ATF2: variants seen among roughly 807,000 people sequenced by gnomAD.
ATF2 encodes the protein activating transcription factor 2.
In ATF2, 24 loss-of-function variants were observed where a neutral mutation model predicts 60.6. The observed-to-expected ratio is 0.40, with a 90% CI of 0.29 to 0.56. ATF2 has a LOEUF of 0.56. Ranked by LOEUF, ATF2 falls within the 20% of genes least tolerant of loss-of-function variation. The pLI, the probability that ATF2 is intolerant of heterozygous loss-of-function variation, is 0.54. For synonymous variants in ATF2, 206 were observed against 215.4 expected, an observed-to-expected ratio of 0.96 and a Z score of 0.38; for missense variants, 433 against 607.7, an observed-to-expected ratio of 0.71 and a Z score of 3.02.
In ATF2 at chr2:175,136,501, G is replaced by GGTTT. The variant is rs1553512597; in HGVS notation, c.-43-19_-43-16dup. 1 of 1,467,786 alleles carries GGTTT rather than the reference G, an allele frequency of 6.8e-7. No homozygotes were observed. The highest frequency in any genetic ancestry group is 9.4e-7 in the Non-Finnish European group (1 of 1,060,474). 90.9% of individuals were successfully genotyped at this position (1,467,786 alleles called of 1,614,324 possible). A position where few individuals can be genotyped will look rare whatever the true frequency, so the allele number is the denominator to read the frequency against. On this transcript the variant is annotated splice_polypyrimidine_tract_variant and intron_variant, in intron 2 of 13. Transcript: ENST00000264110. ...TGGCAAGAATACTGAAAAACAAAGTGGTTTCACACTGTTAAAAATAGTTCT... is the reference window on the plus strand; with the variant it reads ...TGGCAAGAATACTGAAAAACAAAGTGGTTTGTTTCACACTGTTAAAAATAGTTCT...
intron 2 of ATF2, 145 bp from the exon 3 acceptor site, chr2:175,136,631 CT>C (rs1698158330): frequency 3.4e-6 from 2 of 588,464 alleles, no homozygotes; most frequent in Admixed American, 7.0e-5. Context: ...TAATAGAGTA[CT>C]GCTCTTGAAA....
chr2:175,167,751 G>T (rs1380359203), intron 1 of ATF2: 1 of 472,728 alleles, frequency 2.1e-6, no homozygotes, highest in African/African-American at 2.0e-5. Flanking sequence ...AGAGGGAGCC[G>T]TTATTCCTTT....
rs1693098644 is a variant in ATF2, at chr2:175,073,784, A to C, written c.*825T>G. 6.6e-6 allele frequency: 1 copy of C among 152,178 alleles called. No homozygotes were observed. Among genetic ancestry groups the C allele is most frequent in the Non-Finnish European group, 1.5e-5 (1 of 68,020 alleles). 9.4% of individuals were successfully genotyped at this position (152,178 alleles called of 1,614,324 possible). ...CTGTAAAAACAACAACAAAAAAACC[A>C]AAAACAAGAGCTAATTTCAAAAATT... On this transcript the variant is annotated 3_prime_UTR_variant, in exon 14 of 14. Transcript: ENST00000264110.
intron 13 of ATF2, among the ~76,000 whole-genome samples, chr2:175,076,264 G>A (rs77598301): frequency 0.032 from 4,861 of 152,014 alleles, 103 homozygotes; most frequent in Middle Eastern, 0.058. Context: ...TTAATGAGAT[G>A]GAACCCCATC....
At chr2:175,163,547 G>C (rs538861140) in intron 1 of ATF2, among the ~76,000 whole-genome samples, 4 of 152,152 alleles carry the variant, frequency 2.6e-5, no homozygotes, top group Admixed American at 6.5e-5. Flanking sequence ...GATACAGAAT[G>C]CAAATATGGG....
At position 175,072,775 on chromosome 2, in the gene ATF2, A is replaced by C. The variant is rs1045180144; in HGVS notation, c.*1834T>G. 1 of 152,160 alleles carries C rather than the reference A, an allele frequency of 6.6e-6. No individual in the cohort carries two copies. Among genetic ancestry groups the C allele is most frequent in the African/African-American group, 2.4e-5 (1 of 41,458 alleles). The allele number at this position is 152,160 out of a possible 1,614,324, so 9.4% of individuals were successfully genotyped here. A position where few individuals can be genotyped will look rare whatever the true frequency, so the allele number is the denominator to read the frequency against. On this transcript the variant is annotated 3_prime_UTR_variant, in exon 14 of 14. Coordinates refer to ENST00000264110, the MANE Select transcript of ATF2 (RefSeq NM_001880.4). ...TTACTTTAAAATAATGAAATTAGTT[A>C]AAAATTAAAAATTTAAAAAAAATTA...
At chr2:175,141,014 AAAAAAAAAAAAAAAAAATAT>A (rs1698477553) in intron 2 of ATF2, among the ~76,000 whole-genome samples, 1 of 110,902 alleles carries the variant, frequency 9.0e-6, no homozygotes, top group African/African-American at 3.9e-5. Context: ...AAAAAAAAAA[AAAAAAAAAAAAAAAAAATAT>A]ATATATATAT....
intron 10 of ATF2, among the ~76,000 whole-genome samples, chr2:175,110,681 T>C (rs1696117317): frequency 6.6e-6 from 1 of 152,204 alleles, no homozygotes; most frequent in Admixed American, 6.5e-5. Context: ...GCTGGCTCAC[T>C]GCAACCTCGG....
chr2:175,160,662 T>A (rs1412812388), intron 1 of ATF2, among the ~76,000 whole-genome samples: 2 of 152,200 alleles, frequency 1.3e-5, no homozygotes, highest in Admixed American at 6.5e-5. Context: ...TTTAGAACTG[T>A]GGTATTTTAA....
intron 1 of ATF2, among the ~76,000 whole-genome samples, chr2:175,160,457 G>A (rs563687246): frequency 5.0e-4 from 76 of 152,206 alleles, no homozygotes; most frequent in African/African-American, 7.2e-4. Flanking sequence ...TCTTTCTTCC[G>A]TTTTCAAAGT....
In ATF2 at chr2:175,130,204, T is replaced by C. The variant is rs1188362993; in HGVS notation, c.36A>G (p.Gln12=). The change falls in exon 4 of 14, where the codon CAA becomes CAG. Residue 12 remains glutamine, a synonymous_variant. Transcript: ENST00000264110. ...KFKLHVNSAR[Q]YKDLWNMSDD... ...CACTCATATTCCACAGGTCCTTGTA[T>C]TGCCTATAATCAAACAGAAGACACT... The C allele has an allele frequency of 1.9e-6, 3 of 1,574,174 alleles. No individual in the cohort carries two copies. Among genetic ancestry groups the C allele is most frequent in the South Asian group, 2.5e-5 (2 of 81,472 alleles).
chr2:175,167,398 G>C (rs965303711), intron 1 of ATF2, among the ~76,000 whole-genome samples: 1 of 152,018 alleles, frequency 6.6e-6, no homozygotes, highest in Non-Finnish European at 1.5e-5. Context: ...GGAAAAAGCT[G>C]GGGGTAGCGG....
intron 10 of ATF2, among the ~76,000 whole-genome samples, chr2:175,110,841 G>A (rs768471742): frequency 6.6e-6 from 1 of 152,182 alleles, no homozygotes; most frequent in South Asian, 2.1e-4. Flanking sequence ...CCTGACCTTA[G>A]GTGATCTGCT....
chr2:175,159,802 G>C (rs1018906541), intron 1 of ATF2, among the ~76,000 whole-genome samples: 11 of 152,106 alleles, frequency 7.2e-5, no homozygotes, highest in Non-Finnish European at 1.5e-4. Context: ...AAAATTTACA[G>C]AGTAATAATT....
chr2:175,167,545 C>T (rs1416143478), intron 1 of ATF2: 1 of 445,018 alleles, frequency 2.2e-6, no homozygotes, highest in Non-Finnish European at 4.8e-6. Context: ...GATCCTCCTC[C>T]CCGCCACCAT....
chr2:175,102,459 G>T (rs1695373275), intron 10 of ATF2, among the ~76,000 whole-genome samples: 2 of 152,122 alleles, frequency 1.3e-5, no homozygotes, highest in African/African-American at 4.8e-5. Context: ...AAGAAGTAAA[G>T]ATTGAGCACT....
chr2:175,091,634 G>A (rs892215958), intron 12 of ATF2, among the ~76,000 whole-genome samples: 6 of 152,016 alleles, frequency 3.9e-5, no homozygotes, highest in African/African-American at 4.8e-5. Flanking sequence ...AGGCTGAGGC[G>A]GGTGGATCAC....
intron 13 of ATF2, chr2:175,075,052 C>A: frequency 7.1e-7 from 1 of 1,415,314 alleles, no homozygotes; most frequent in Non-Finnish European, 9.2e-7. Flanking sequence ...ATCTGGGTGC[C>A]CACTGCCTTA....
At chr2:175,104,012 T>C (rs1366569141) in intron 10 of ATF2, among the ~76,000 whole-genome samples, 1 of 152,018 alleles carries the variant, frequency 6.6e-6, no homozygotes, top group Admixed American at 6.6e-5. Context: ...CTTAAAGTTC[T>C]TAAAAATTAA....
Sources: gnomAD v4.1 joint callset for allele counts (sites outside exome capture counted in the v4.1 genomes callset) on GRCh38, gnomAD v4.1.1 for gene constraint, MANE v1.5 for transcripts, NCBI Gene and HGNC (gene_info 2026-07-23, HGNC 2026-07-21) for gene names.